Variants in ATP10B observed in about 807,000 individuals in gnomAD.
The protein encoded by ATP10B is ATPase phospholipid transporting 10B (putative).
In ATP10B, 122 loss-of-function variants were observed where a neutral mutation model predicts 141.2. The ratio of observed to expected loss-of-function variants is 0.86; its 90% CI spans 0.75 to 1.00. ATP10B has a LOEUF of 1.00. Ranked by LOEUF, ATP10B falls within the 50% of genes least tolerant of loss-of-function variation. ATP10B has a pLI of 0.00. For missense variants in ATP10B, 1,876 were observed against 1,825.3 expected (o/e 1.03, Z -0.51); for synonymous variants, 685 against 692.0 (o/e 0.99, Z 0.16).
At chr5:160,812,010 GAGACAGAGAC>G (rs1205440968) in intron 1 of ATP10B, among the ~76,000 whole-genome samples, 3 of 81,764 alleles carry the variant, frequency 3.7e-5, no homozygotes, top group African/African-American at 1.1e-4. Flanking sequence ...GACAGAGACA[GAGACAGAGAC>G]AGAGAGAGAG....
At chr5:160,815,306 T>A (rs1393311359) in intron 1 of ATP10B, among the ~76,000 whole-genome samples, 1 of 151,656 alleles carries the variant, frequency 6.6e-6, no homozygotes, top group African/African-American at 2.4e-5. Context: ...ACCAAGCAAA[T>A]GGAAAGCACA....
intron 1 of ATP10B, among the ~76,000 whole-genome samples, chr5:160,819,412 C>T (rs952878745): frequency 1.6e-4 from 25 of 152,086 alleles, no homozygotes; most frequent in Non-Finnish European, 1.5e-5. Context: ...CAGACCTATC[C>T]TACAAGAAGT....
At chr5:160,569,240 T>G (rs1248813228) in intron 25 of ATP10B, among the ~76,000 whole-genome samples, 1 of 152,212 alleles carries the variant, frequency 6.6e-6, no homozygotes, top group African/African-American at 2.4e-5. Context: ...GAATTGATAC[T>G]CCCATTTTAT....
chr5:160,795,201 A>G (rs1771851871), intron 1 of ATP10B, among the ~76,000 whole-genome samples: 2 of 152,246 alleles, frequency 1.3e-5, no homozygotes, highest in Admixed American at 1.3e-4. Context: ...AAAGAAAAAG[A>G]ATATCTTGAG....
intron 13 of ATP10B, among the ~76,000 whole-genome samples, chr5:160,626,074 T>C (rs1211808665): frequency 6.6e-6 from 1 of 152,268 alleles, no homozygotes; most frequent in Non-Finnish European, 1.5e-5. Flanking sequence ...TGGTTTCCCA[T>C]GTGGACCATT....
At chr5:160,849,331 G>A (rs1365718705) in intron 1 of ATP10B, among the ~76,000 whole-genome samples, 3 of 152,042 alleles carry the variant, frequency 2.0e-5, no homozygotes, top group Non-Finnish European at 4.4e-5. Flanking sequence ...AGAGCGACCT[G>A]CAAAAACTTT....
chr5:160,857,925 T>A, the ATP10B span, among the ~76,000 whole-genome samples: 1,913 of 152,104 alleles, frequency 0.013, 39 homozygotes, highest in African/African-American at 0.044. Flanking sequence ...GCTCAGAATA[T>A]ATTATTTCCT....
intron 7 of ATP10B, among the ~76,000 whole-genome samples, chr5:160,663,785 A>G (rs1300317318): frequency 4.6e-5 from 2 of 43,860 alleles, no homozygotes; most frequent in South Asian, 9.9e-4. Flanking sequence ...AACTTAAAGT[A>G]TAATAAAAAA....
intron 23 of ATP10B, 150 bp from the exon 24 acceptor site, chr5:160,589,846 G>T: frequency 1.6e-6 from 1 of 615,754 alleles, no homozygotes; most frequent in Non-Finnish European, 2.9e-6. Context: ...CCGAGGAACA[G>T]GTCAAGGTAA....
At chr5:160,737,873 T>C (rs1037494211) in intron 2 of ATP10B, among the ~76,000 whole-genome samples, 5 of 152,156 alleles carry the variant, frequency 3.3e-5, no homozygotes, top group Admixed American at 1.3e-4. Flanking sequence ...TATAGTTGGA[T>C]ATTTAATACC....
chr5:160,744,378 G>A (rs553276637), intron 2 of ATP10B, among the ~76,000 whole-genome samples: 10 of 152,200 alleles, frequency 6.6e-5, no homozygotes, highest in Admixed American at 2.0e-4. Context: ...TCCCTTTCCC[G>A]GAGACAGCAG....
At chr5:160,724,236 G>A (rs1356608741) in intron 2 of ATP10B, among the ~76,000 whole-genome samples, 1 of 148,836 alleles carries the variant, frequency 6.7e-6, no homozygotes, top group Non-Finnish European at 1.5e-5. Flanking sequence ...AAGTTTACCT[G>A]AGAAGCTATA....
At chr5:160,655,288 A>T (rs1483816938) in intron 7 of ATP10B, among the ~76,000 whole-genome samples, 1 of 147,806 alleles carries the variant, frequency 6.8e-6, no homozygotes, top group Non-Finnish European at 1.5e-5. Context: ...AAGCATTTAA[A>T]TTTTTTTTTT....
chr5:160,587,287 GTC>G (rs1468952379), intron 24 of ATP10B, among the ~76,000 whole-genome samples: 1 of 152,060 alleles, frequency 6.6e-6, no homozygotes, highest in African/African-American at 2.4e-5. Flanking sequence ...GTTATTTGAG[GTC>G]TCTGCTCTGT....
At chr5:160,772,119 A>G (rs1471162477) in intron 2 of ATP10B, among the ~76,000 whole-genome samples, 2 of 152,252 alleles carry the variant, frequency 1.3e-5, no homozygotes, top group Non-Finnish European at 2.9e-5. Flanking sequence ...TACTGATTTC[A>G]AATCTTTTGG....
intron 1 of ATP10B, among the ~76,000 whole-genome samples, chr5:160,816,042 T>C (rs1379897292): frequency 1.3e-5 from 2 of 151,790 alleles, no homozygotes; most frequent in African/African-American, 2.4e-5. Context: ...TAGCACTAAA[T>C]GCCCACAAGA....
At chr5:160,670,180 G>A (rs969007713) in intron 7 of ATP10B, among the ~76,000 whole-genome samples, 4 of 152,118 alleles carry the variant, frequency 2.6e-5, no homozygotes, top group African/African-American at 4.8e-5. Flanking sequence ...TCAGAGCAGA[G>A]AGTATAGTTT....
chr5:160,831,594 A>C (rs1775084850), intron 1 of ATP10B, among the ~76,000 whole-genome samples: 1 of 152,050 alleles, frequency 6.6e-6, no homozygotes, highest in African/African-American at 2.4e-5. Flanking sequence ...GCTTCCTTTT[A>C]AAGTCTGCTT....
chr5:160,669,940 ATC>A (rs949737680), intron 7 of ATP10B, among the ~76,000 whole-genome samples: 9 of 150,842 alleles, frequency 6.0e-5, no homozygotes, highest in African/African-American at 2.2e-4. Flanking sequence ...GATATCAGTG[ATC>A]TCTGTCTGCC....
Sources: gnomAD v4.1 joint callset for allele counts (sites outside exome capture counted in the v4.1 genomes callset) on GRCh38, gnomAD v4.1.1 for gene constraint, MANE v1.5 for transcripts, NCBI Gene and HGNC (gene_info 2026-07-23, HGNC 2026-07-21) for gene names.